Variants in ZFP64 observed in about 807,000 individuals in gnomAD.
The protein encoded by ZFP64 is ZFP64 zinc finger protein.
Under a neutral mutation model 51.6 loss-of-function variants are expected in ZFP64, and 14 were observed. The ratio of observed to expected loss-of-function variants is 0.27; its 90% confidence interval spans 0.18 to 0.42. ZFP64 has a LOEUF of 0.42. Among genes scored for constraint, ZFP64 ranks in the 10% least tolerant of loss-of-function variants. The probability of loss-of-function intolerance (pLI) is 1.00; values close to 1 mark genes in which losing one functional copy is unlikely to be tolerated. For synonymous variants in ZFP64, 375 were observed against 361.4 expected (o/e 1.04, Z -0.43); for missense variants, 754 against 906.8 (o/e 0.83, Z 2.16).
At chr20:52,166,933 A>G (rs1190315775) in intron 2 of ZFP64, among the ~76,000 whole-genome samples, 1 of 143,070 alleles carries the variant, frequency 7.0e-6, no homozygotes. Flanking sequence ...CATTCTTCTC[A>G]GCATAAGTAT....
Position 52,186,840 on chromosome 20 carries a change from G to C in ZFP64, c.278C>G (p.Thr93Arg). 6.2e-7 allele frequency: 1 copy of C among 1,608,072 alleles called. No individual in the cohort carries two copies. The highest frequency in any genetic ancestry group is 8.5e-7 in the Non-Finnish European group (1 of 1,175,066). The part of the protein sequence containing the change: ...TTRTITSETQ[T>R]ITVSAPEFVF... ...CCATGCTCCAGCTGTACCTGTGATT[G>C]TCTGGGTCTCCGAGGTGATGGTTCT... The change falls in exon 2 of 6, where the codon ACA becomes AGA. Residue 93 changes from threonine (T) to arginine (R), a missense_variant. This residue lies in a region of ZFP64 where 231 missense variants were observed against 336.7 expected (regional missense o/e 0.69). Coordinates refer to ENST00000216923, the MANE Select transcript of ZFP64 (RefSeq NM_018197.3).
At chr20:52,177,190 G>A (rs950084840) in intron 2 of ZFP64, among the ~76,000 whole-genome samples, 1 of 152,140 alleles carries the variant, frequency 6.6e-6, no homozygotes, top group Non-Finnish European at 1.5e-5. Flanking sequence ...CACAGATTCT[G>A]ATGCAGAGAT....
At chr20:52,089,725 A>G (rs2078902122) in intron 7 of ZFP64, among the ~76,000 whole-genome samples, 1 of 140,052 alleles carries the variant, frequency 7.1e-6, no homozygotes, top group South Asian at 2.4e-4. Context: ...TGGGTGACAG[A>G]GCAAGACACT....
At chr20:52,166,054 T>G in intron 2 of ZFP64, 29 bp from the exon 3 acceptor site, 1 of 1,588,040 alleles carries the variant, frequency 6.3e-7, no homozygotes, top group African/African-American at 1.4e-5. Context: ...ATTAATTTTC[T>G]TAATATAAAT....
intron 5 of ZFP64, among the ~76,000 whole-genome samples, chr20:52,102,748 G>A (rs929141378): frequency 2.0e-5 from 3 of 152,166 alleles, no homozygotes; most frequent in Non-Finnish European, 4.4e-5. Context: ...CACTGGATAA[G>A]CTACTCAACT....
intron 5 of ZFP64, chr20:52,117,568 G>A (rs1978941540): frequency 4.5e-6 from 2 of 442,288 alleles, no homozygotes; most frequent in East Asian, 7.0e-5. Context: ...GTGGTGAGCT[G>A]AGATCGCGCC....
In ZFP64 at chr20:52,152,512, C is replaced by A. The variant is rs1420288574; in HGVS notation, c.1680G>T (p.Glu560Asp). 6.2e-7 allele frequency: 1 copy of A among 1,605,558 alleles called. No homozygotes were observed. The stretch of plus-strand genomic sequence containing the variant: ...CAGCCGGCTGGGTCATTGCGCCCGC[C>A]TCGCTCGGACACCGCGAGGACTGAG... ...APPQSSRCPS[E>D]AGAMTQPAVL... The change falls in exon 6 of 6, where the codon GAG (glutamate) becomes GAT (aspartate). Residue 560 changes from glutamate (E) to aspartate (D), a missense_variant. By Grantham distance (45) the Glu-to-Asp change is conservative. Around this residue, in one of 3 missense-constraint regions of ZFP64, gnomAD observed 428 missense variants for 472.4 expected, o/e 0.91. Coordinates refer to ENST00000216923, the MANE Select transcript of ZFP64 (RefSeq NM_018197.3).
intron 2 of ZFP64, among the ~76,000 whole-genome samples, chr20:52,172,021 A>G (rs150551918): frequency 2.0e-5 from 3 of 152,308 alleles, no homozygotes; most frequent in Admixed American, 6.5e-5. Context: ...TGTTGGGATT[A>G]CAGGCGTGAG....
chr20:52,088,890 C>T (rs369846417), intron 7 of ZFP64: 69 of 657,178 alleles, frequency 1.0e-4, no homozygotes, highest in African/African-American at 1.0e-3. Context: ...ACAGGCCAAA[C>T]CCTGTTTGGG....
chr20:52,133,833 A>C (rs556365499), intron 5 of ZFP64, among the ~76,000 whole-genome samples: 2 of 152,172 alleles, frequency 1.3e-5, no homozygotes, highest in African/African-American at 4.8e-5. Context: ...GTTTGAGACC[A>C]GCCTGGGCAA....
intron 5 of ZFP64, among the ~76,000 whole-genome samples, chr20:52,103,601 C>A (rs1258954550): frequency 6.6e-6 from 1 of 152,280 alleles, no homozygotes; most frequent in Non-Finnish European, 1.5e-5. Flanking sequence ...CAAAGTAGCT[C>A]AGTGCACAGA....
At position 52,151,498 on chromosome 20, in the gene ZFP64, G is replaced by A. The variant is rs996063656; in HGVS notation, c.*648C>T. 38 of 985,452 alleles carry A rather than the reference G, an allele frequency of 3.9e-5. No homozygotes were observed. The highest frequency in any genetic ancestry group is 4.5e-5 in the Non-Finnish European group (37 of 830,096). The allele number at this position is 985,452 out of a possible 1,614,324, so 61.0% of individuals were successfully genotyped here. ...GGGAAGTACCATTTACTACACAAATGTAATAAGATGGACAGAAACCTTTAT... is the reference window on the plus strand; with the variant it reads ...GGGAAGTACCATTTACTACACAAATATAATAAGATGGACAGAAACCTTTAT... On this transcript the variant is annotated 3_prime_UTR_variant, in exon 6 of 6. Coordinates refer to ENST00000216923, the MANE Select transcript of ZFP64 (RefSeq NM_018197.3).
rs1328310426 is a variant in ZFP64 at position 52,152,735 on chromosome 20, G to C, written c.1457C>G (p.Pro486Arg). The C allele has an allele frequency of 6.3e-7, 1 of 1,579,266 alleles. No homozygotes were observed. The highest frequency in any genetic ancestry group is 1.3e-5 in the African/African-American group (1 of 74,386). The change falls in exon 6 of 6, where the codon CCC becomes CGC. Residue 486 changes from proline to arginine, a missense_variant. Around this residue, in one of 3 missense-constraint regions of ZFP64, gnomAD observed 428 missense variants for 472.4 expected, o/e 0.91. Transcript: ENST00000216923. The stretch of plus-strand genomic sequence containing the variant: ...CTCGCTGAACTGGGGCACTTGGCTG[G>C]GCTGGAGGGGCACCTGGAGGTGTCC... ...TVGHLQVPLQ[P>R]SQVPQFSEGR...
chr20:52,085,263 T>C lies in ZFP64; in HGVS notation c.1232A>G (p.Asp411Gly), dbSNP rs1290146275. Reference sequence around the variant, plus strand: ...ACAGAGCCAGCACTGGAAGGGGGTATCCCCTAGCAATGGAAGGTGTGTTTC... The same window carrying C: ...ACAGAGCCAGCACTGGAAGGGGGTACCCCCTAGCAATGGAAGGTGTGTTTC... Residue 411 changes from aspartate (D) to glycine (G), a missense_variant, in exon 9 of 9, where the codon GAT becomes GGT. By Grantham distance (94) the Asp-to-Gly change is moderately conservative. Transcript: ENST00000361387. This position sits in a 1 kb window ranked among gnomAD's most constrained non-coding sequence, Gnocchi z 4.3. 1 of 1,609,542 alleles carries C rather than the reference T, an allele frequency of 6.2e-7. No homozygotes were observed. Among genetic ancestry groups the C allele is most frequent in the East Asian group, 2.2e-5 (1 of 44,800 alleles).
intron 7 of ZFP64, chr20:52,088,962 C>A (rs772114008): frequency 2.7e-5 from 15 of 549,856 alleles, no homozygotes; most frequent in Non-Finnish European, 4.3e-5. Flanking sequence ...GGATCTTGGG[C>A]AGCTTCATGA....
At chr20:52,117,050 G>A (rs1290750195) in intron 5 of ZFP64, among the ~76,000 whole-genome samples, 1 of 151,648 alleles carries the variant, frequency 6.6e-6, no homozygotes, top group African/African-American at 2.4e-5. Context: ...CCAGCCTGGT[G>A]ACAGAGCAAG....
chr20:52,129,917 T>G (rs1024052442), intron 5 of ZFP64, among the ~76,000 whole-genome samples: 2 of 152,206 alleles, frequency 1.3e-5, no homozygotes, highest in Non-Finnish European at 2.9e-5. Context: ...ATTATTATAA[T>G]AAAACATGTC....
intron 5 of ZFP64, among the ~76,000 whole-genome samples, chr20:52,109,777 C>T (rs1211060062): frequency 2.3e-5 from 3 of 131,622 alleles, no homozygotes; most frequent in Non-Finnish European, 1.6e-5. Context: ...CGAAATTCCA[C>T]CTCAAAAAAA....
intron 5 of ZFP64, among the ~76,000 whole-genome samples, chr20:52,102,818 G>C (rs900127066): frequency 1.3e-5 from 2 of 152,130 alleles, no homozygotes; most frequent in African/African-American, 4.8e-5. Context: ...CATTAGCTTA[G>C]ATGAAGTTCT....
Sources: gnomAD v4.1 joint callset for allele counts (sites outside exome capture counted in the v4.1 genomes callset) on GRCh38, gnomAD v4.1.1 for gene constraint, gnomAD v4.1.1 regional missense constraint, Gnocchi (gnomAD v3.1) non-coding constraint, MANE v1.5 for transcripts, NCBI Gene and HGNC (gene_info 2026-07-23, HGNC 2026-07-21) for gene names.